PPIL4: variants seen among roughly 807,000 people sequenced by gnomAD.
The protein encoded by PPIL4 is peptidylprolyl isomerase like 4, also known as peptidyl-prolyl cis-trans isomerase-like 4.
A neutral mutation model predicts 69.1 loss-of-function variants in PPIL4; 50 were observed. The observed-to-expected ratio is 0.72, with a 90% CI of 0.58 to 0.92. The LOEUF (loss-of-function observed/expected upper bound fraction) is 0.92, where lower values mean the gene tolerates loss of function less well. Ranked by LOEUF, PPIL4 falls within the 40% of genes least tolerant of loss-of-function variation. PPIL4 has a pLI of 0.00. For missense variants in PPIL4, 480 were observed against 587.9 expected (o/e 0.82, Z 1.90); for synonymous variants, 193 against 191.6 (o/e 1.01, Z -0.06).
chr6:149,536,117 A>G (rs747540861), intron 4 of PPIL4, among the ~76,000 whole-genome samples: 9 of 152,222 alleles, frequency 5.9e-5, no homozygotes, highest in Non-Finnish European at 1.2e-4. Flanking sequence ...CTTTGATCTT[A>G]CTACCGCAAT....
Position 149,541,055 on chromosome 6 carries a change from G to A in PPIL4, c.208C>T (p.Leu70=). Reference sequence around the variant, plus strand: ...AAAAAGCTTGCTTGATCACCATACAGTTGGCTGAAAAAACATATAAGGTTA... The same window carrying A: ...AAAAAGCTTGCTTGATCACCATACAATTGGCTGAAAAAACATATAAGGTTA... ...GRGGESIFGQ[L]YGDQASFFEA... Residue 70 remains leucine (L), a synonymous_variant, in exon 4 of 13, where the codon CTG becomes TTG. Transcript: ENST00000253329. 1 of 1,590,310 alleles carries A rather than the reference G, an allele frequency of 6.3e-7. No individual in the cohort carries two copies. Among genetic ancestry groups the A allele is most frequent in the Non-Finnish European group, 8.6e-7 (1 of 1,159,824 alleles).
At chr6:149,517,521 A>G in intron 10 of PPIL4, 71 bp from the exon 11 acceptor site, 1 of 698,092 alleles carries the variant, frequency 1.4e-6, no homozygotes. Context: ...ATTATTTTAT[A>G]AAAAGCATAA....
chr6:149,523,307 A>AAT lies in PPIL4; in HGVS notation c.870+1835_870+1836insAT, dbSNP rs1291142017. On this transcript the variant is annotated intron_variant, in intron 9 of 12. Transcript: ENST00000253329. ...GTCCCTTAAAAAACAAAAAAAAAGT[A>AAT]AAAGGAAATCCACAGAGAAGATATC... Among the ~76,000 whole-genome samples, 27 of 152,234 alleles carry AAT rather than the reference A, an allele frequency of 1.8e-4. No homozygotes were observed. In the East Asian group the frequency reaches 5.2e-3, roughly 29 times the overall value.
intron 4 of PPIL4, 22 bp downstream of exon 4, chr6:149,540,920 A>G: frequency 1.4e-6 from 2 of 1,409,050 alleles, no homozygotes; most frequent in East Asian, 2.3e-5. Context: ...AGCAAATCTC[A>G]TATTCTTACT....
chr6:149,515,055 C>T (rs1460227824), intron 11 of PPIL4, among the ~76,000 whole-genome samples: 1 of 151,798 alleles, frequency 6.6e-6, no homozygotes, highest in Non-Finnish European at 1.5e-5. Flanking sequence ...CCAGGCTGGT[C>T]TTGAACTCCC....
At chr6:149,535,561 T>C in intron 5 of PPIL4, 35 bp downstream of exon 5, 1 of 1,570,968 alleles carries the variant, frequency 6.4e-7, no homozygotes, top group South Asian at 1.1e-5. Context: ...TATTAAAACA[T>C]TCTAGTACAT....
At chr6:149,533,138 C>A (rs1161620582) in intron 7 of PPIL4, among the ~76,000 whole-genome samples, 1 of 152,098 alleles carries the variant, frequency 6.6e-6, no homozygotes, top group Non-Finnish European at 1.5e-5. Context: ...CAGTGAAGAA[C>A]TATTCTTTAA....
At chr6:149,517,578 A>C (rs1776966680) in intron 10 of PPIL4, 128 bp from the exon 11 acceptor site, 4 of 527,912 alleles carry the variant, frequency 7.6e-6, no homozygotes, top group Non-Finnish European at 1.3e-5. Flanking sequence ...GAAAGGGAAC[A>C]AAAGAATCAT....
At chr6:149,526,900 G>C in intron 7 of PPIL4, 124 bp from the exon 8 acceptor site, 2 of 936,844 alleles carry the variant, frequency 2.1e-6, no homozygotes, top group South Asian at 3.0e-5. Context: ...TGCAGGCTCT[G>C]GAAAAGAAAT....
intron 9 of PPIL4, among the ~76,000 whole-genome samples, chr6:149,521,390 A>C (rs1005321500): frequency 6.6e-6 from 1 of 152,220 alleles, no homozygotes; most frequent in Non-Finnish European, 1.5e-5. Flanking sequence ...ACAGAAGTTT[A>C]GAGAAGTATA....
intron 12 of PPIL4, among the ~76,000 whole-genome samples, chr6:149,509,155 T>C (rs1776806138): frequency 6.6e-6 from 1 of 152,168 alleles, no homozygotes; most frequent in Non-Finnish European, 1.5e-5. Context: ...ATTCAGAATT[T>C]AATAATTTTA....
At chr6:149,532,066 T>G (rs1438102285) in intron 7 of PPIL4, among the ~76,000 whole-genome samples, 2 of 152,132 alleles carry the variant, frequency 1.3e-5, no homozygotes, top group African/African-American at 4.8e-5. Context: ...CTGCTGCTCT[T>G]AGGAAATACA....
chr6:149,533,726 G>A, intron 6 of PPIL4, 152 bp from the exon 7 acceptor site: 1 of 468,970 alleles, frequency 2.1e-6, no homozygotes, highest in Non-Finnish European at 3.7e-6. Flanking sequence ...CTGCACTCCA[G>A]CTGGGTGACA....
intron 12 of PPIL4, among the ~76,000 whole-genome samples, chr6:149,506,172 A>G (rs1372272719): frequency 6.6e-6 from 1 of 152,218 alleles, no homozygotes; most frequent in Non-Finnish European, 1.5e-5. Context: ...TAGACAAGTC[A>G]GTAAGTCTTA....
chr6:149,532,692 T>C (rs918146210), intron 7 of PPIL4, among the ~76,000 whole-genome samples: 3 of 152,176 alleles, frequency 2.0e-5, no homozygotes, highest in Admixed American at 2.0e-4. Context: ...TGTGTGACTG[T>C]GGTCTCAGCA....
chr6:149,516,170 A>C (rs1776940624), intron 11 of PPIL4, among the ~76,000 whole-genome samples: 1 of 152,240 alleles, frequency 6.6e-6, no homozygotes, highest in Non-Finnish European at 1.5e-5. Flanking sequence ...TTAATTTCAA[A>C]GATTTGGTAA....
rs140933310 is a variant in PPIL4 at position 149,528,418 on chromosome 6, G to A, written c.679-1642C>T. Among the ~76,000 whole-genome samples the A allele has an allele frequency of 3.3e-3, 495 of 152,224 alleles. 3 individuals are homozygous for A. Among genetic ancestry groups the A allele is most frequent in the African/African-American group, 0.011 (471 of 41,538 alleles). Reference sequence around the variant, plus strand: ...AAAGCTAACTTTAAAATACTATTAGGAAATTTAAAACATTCATAAAAGCTA... The same window carrying A: ...AAAGCTAACTTTAAAATACTATTAGAAAATTTAAAACATTCATAAAAGCTA... On this transcript the variant is annotated intron_variant, in intron 7 of 12. Coordinates refer to ENST00000253329, the MANE Select transcript of PPIL4 (RefSeq NM_139126.4).
chr6:149,505,886 G>C (rs956665684), intron 12 of PPIL4, among the ~76,000 whole-genome samples, 182 bp from the exon 13 acceptor site: 5 of 152,146 alleles, frequency 3.3e-5, no homozygotes, highest in African/African-American at 1.2e-4. Flanking sequence ...TCAGAAAAAG[G>C]TTTAACAACG....
intron 4 of PPIL4, among the ~76,000 whole-genome samples, chr6:149,539,491 C>T (rs1777327609): frequency 1.3e-5 from 2 of 152,174 alleles, no homozygotes; most frequent in South Asian, 4.1e-4. Context: ...GATCCTCCCA[C>T]CTCAGCTTCC....
Sources: allele counts gnomAD v4.1 joint callset (sites outside exome capture counted in the v4.1 genomes callset), GRCh38; gene constraint gnomAD v4.1.1; transcripts MANE v1.5; gene names NCBI Gene and HGNC (gene_info 2026-07-23, HGNC 2026-07-21).